ATP8B4: variants seen among roughly 807,000 people sequenced by gnomAD.
ATP8B4 encodes ATPase phospholipid transporting 8B4 (putative).
ATP8B4 carries 133 observed loss-of-function variants against 145.6 expected under a neutral mutation model. The observed-to-expected ratio is 0.91, with a 90% CI of 0.79 to 1.05. The LOEUF (loss-of-function observed/expected upper bound fraction) is 1.05. ATP8B4 is among the 50% of genes least tolerant of loss of function. ATP8B4 has a pLI of 0.00. For missense variants in ATP8B4, 1,458 were observed against 1,425.2 expected, an observed-to-expected ratio of 1.02 and a Z score of -0.37; for synonymous variants, 507 against 492.9, an observed-to-expected ratio of 1.03 and a Z score of -0.38.
At chr15:49,872,823 G>A (rs1457523988) in intron 25 of ATP8B4, among the ~76,000 whole-genome samples, 1 of 152,092 alleles carries the variant, frequency 6.6e-6, no homozygotes, top group Non-Finnish European at 1.5e-5. Flanking sequence ...GAAGAGAAAA[G>A]GGTAATTAAT....
At position 50,134,819 on chromosome 15, in the gene ATP8B4, G is replaced by C. The variant is rs948343912; in HGVS notation, c.-42-27811C>G. On this transcript the variant is annotated intron_variant, in intron 1 of 3. Coordinates refer to the ATP8B4 transcript ENST00000558829. ...CCTAATGGCTAGGGGAATGTTGGTG[G>C]CATTGACAAAAATAAGGAGAGTGAA... is the stretch of plus-strand genomic sequence containing the variant. Among the ~76,000 whole-genome samples the C allele has an allele frequency of 7.9e-5, 12 of 152,156 alleles. 1 individual carries two copies. The highest frequency in any genetic ancestry group is 7.9e-4 in the Admixed American group (12 of 15,272).
chr15:49,939,510 G>T (rs538207417), intron 14 of ATP8B4, among the ~76,000 whole-genome samples: 1 of 152,272 alleles, frequency 6.6e-6, no homozygotes, highest in South Asian at 2.1e-4. Context: ...AGAGGAAGTG[G>T]ATAAATTCCT....
chr15:50,102,413 T>C (rs1354115233), intron 2 of ATP8B4, among the ~76,000 whole-genome samples: 1 of 151,958 alleles, frequency 6.6e-6, no homozygotes, highest in Admixed American at 6.6e-5. Context: ...ACAGGAGATA[T>C]TACAACCAAT....
chr15:49,996,650 G>A (rs2047452345), intron 9 of ATP8B4, 27 bp downstream of exon 9: 2 of 1,521,402 alleles, frequency 1.3e-6, no homozygotes, highest in East Asian at 4.6e-5. Context: ...TGAGGTTTTT[G>A]TTTGTTTATC....
Position 49,876,380 on chromosome 15 carries a change from C to T in ATP8B4, c.2925G>A (p.Gly975=), listed in dbSNP as rs1295811155. The change falls in exon 25 of 28, where the codon GGG becomes GGA. Residue 975 remains glycine (G), a synonymous_variant. Coordinates refer to ENST00000284509, the MANE Select transcript of ATP8B4 (RefSeq NM_024837.4). ...CTTCTCCAGCCACGTTGTAAAAGGC[C>T]CCATAGGGGATGAAGAAAAGGACTA... ...TSLVLFFIPY[G]AFYNVAGEDG... The T allele has an allele frequency of 1.9e-6, 3 of 1,614,060 alleles. No homozygotes were observed. Among genetic ancestry groups the T allele is most frequent in the Non-Finnish European group, 2.5e-6 (3 of 1,179,996 alleles).
intron 1 of ATP8B4, among the ~76,000 whole-genome samples, chr15:50,147,413 C>T (rs2044291451): frequency 2.4e-5 from 2 of 82,384 alleles, no homozygotes; most frequent in Admixed American, 1.5e-4. Context: ...GAAAGAGACA[C>T]TGTCTCCAAA....
chr15:49,956,995 G>C (rs2043626914), intron 14 of ATP8B4, among the ~76,000 whole-genome samples: 1 of 152,076 alleles, frequency 6.6e-6, no homozygotes. Flanking sequence ...AAAACCAATA[G>C]ATTAGGATGA....
chr15:49,945,116 A>G (rs1203101720), intron 14 of ATP8B4, among the ~76,000 whole-genome samples: 1 of 152,166 alleles, frequency 6.6e-6, no homozygotes, highest in Non-Finnish European at 1.5e-5. Context: ...CAGACAATTT[A>G]ATTTTATACC....
chr15:50,023,793 A>G lies in ATP8B4; in HGVS notation c.363-12876T>C, dbSNP rs1324986322. Among the ~76,000 whole-genome samples, 5 of 145,880 alleles carry G rather than the reference A, an allele frequency of 3.4e-5. No individual in the cohort carries two copies. In the South Asian group the frequency reaches 6.6e-4, roughly 19 times the overall value. On this transcript the variant is annotated intron_variant, in intron 6 of 27. Coordinates refer to ENST00000284509, the MANE Select transcript of ATP8B4 (RefSeq NM_024837.4). ...GAGACCAAAGGCAAAAAAAAAAAAA[A>G]AAAGAAAAAAAAGAAAAAAAAAAAG... is the stretch of plus-strand genomic sequence containing the variant.
intron 8 of ATP8B4, 32 bp from the exon 9 acceptor site, chr15:49,996,791 A>G (rs752634015): frequency 6.4e-7 from 1 of 1,564,476 alleles, no homozygotes; most frequent in East Asian, 2.3e-5. Context: ...ATGAATTTTT[A>G]TATGGAACAG....
At position 49,886,266 on chromosome 15, in the gene ATP8B4, T is replaced by C. The variant is rs1439698499; in HGVS notation, c.2698-6807A>G. 2.0e-5 allele frequency among the ~76,000 whole-genome samples: 3 copies of C among 152,058 alleles called. No individual in the cohort carries two copies. The East Asian group carries it at 5.8e-4, about 29-fold the overall frequency. On this transcript the variant is annotated intron_variant, in intron 23 of 27. Coordinates refer to ENST00000284509, the MANE Select transcript of ATP8B4 (RefSeq NM_024837.4). Reference sequence around the variant, plus strand: ...GTGAATTTGAGTAGGATACTCAATCTCTCTGTGTCTTGGTTTCCTAGGCTA... The same window carrying C: ...GTGAATTTGAGTAGGATACTCAATCCCTCTGTGTCTTGGTTTCCTAGGCTA...
At position 49,897,481 on chromosome 15, in the gene ATP8B4, T is replaced by G. The variant is rs1435622224; in HGVS notation, c.2508A>C (p.Glu836Asp). The G allele has an allele frequency of 6.3e-7, 1 of 1,577,408 alleles. No individual in the cohort carries two copies. The highest frequency in any genetic ancestry group is 2.2e-5 in the East Asian group (1 of 44,492). ...AHIGVGISGQ[E>D]GLQAVLASDY... ...CGCTGGCTAAGACTGCTTGCAATCCTTCCTGGCCGCTGATGCCAACACCAA... is the reference window on the plus strand; with the variant it reads ...CGCTGGCTAAGACTGCTTGCAATCCGTCCTGGCCGCTGATGCCAACACCAA... The change falls in exon 23 of 28, where the codon GAA (glutamate) becomes GAC (aspartate). Residue 836 changes from glutamate (E) to aspartate (D), a missense_variant. Glu to Asp is a conservative substitution (Grantham distance 45). Coordinates refer to ENST00000284509, the MANE Select transcript of ATP8B4 (RefSeq NM_024837.4).
intron 6 of ATP8B4, among the ~76,000 whole-genome samples, chr15:50,013,978 C>T (rs900589597): frequency 6.6e-6 from 1 of 152,158 alleles, no homozygotes; most frequent in African/African-American, 2.4e-5. Context: ...CTTTCAGAAG[C>T]TGAAAATCAA....
intron 14 of ATP8B4, among the ~76,000 whole-genome samples, chr15:49,943,034 T>A (rs561615341): frequency 3.3e-5 from 5 of 152,036 alleles, no homozygotes; most frequent in South Asian, 4.1e-4. Flanking sequence ...TTTAAAAAAA[T>A]TTTTAAAAAC....
At chr15:50,156,754 G>A (rs1382387354) in intron 1 of ATP8B4, among the ~76,000 whole-genome samples, 1 of 152,200 alleles carries the variant, frequency 6.6e-6, no homozygotes, top group African/African-American at 2.4e-5. Context: ...GCTGGCCAGT[G>A]TCTCAGAAAA....
intron 25 of ATP8B4, 78 bp from the exon 26 acceptor site, chr15:49,866,562 G>C: frequency 1.3e-6 from 2 of 1,541,864 alleles, no homozygotes; most frequent in African/African-American, 2.7e-5. Context: ...TGTTTCGCGA[G>C]AACTGCCCTG....
intron 14 of ATP8B4, among the ~76,000 whole-genome samples, chr15:49,950,238 C>G (rs1453803630): frequency 6.6e-6 from 1 of 152,046 alleles, no homozygotes; most frequent in African/African-American, 2.4e-5. Flanking sequence ...GGAATGGTAC[C>G]AGCTCCTCCT....
intron 6 of ATP8B4, among the ~76,000 whole-genome samples, chr15:50,024,580 G>A (rs1454791353): frequency 2.0e-5 from 3 of 152,164 alleles, no homozygotes; most frequent in African/African-American, 7.2e-5. Context: ...AATACTCTTC[G>A]TCGTCCAGGC....
At chr15:50,039,487 G>A (rs1220641228) in intron 5 of ATP8B4, among the ~76,000 whole-genome samples, 1 of 152,028 alleles carries the variant, frequency 6.6e-6, no homozygotes, top group Non-Finnish European at 1.5e-5. Context: ...TCTCTACTAG[G>A]CTCATAAATT....
Sources: gnomAD v4.1 joint callset for allele counts (sites outside exome capture counted in the v4.1 genomes callset) on GRCh38, gnomAD v4.1.1 for gene constraint, MANE v1.5 for transcripts, NCBI Gene and HGNC (gene_info 2026-07-23, HGNC 2026-07-21) for gene names.